PDGFC: variants seen among roughly 807,000 people sequenced by gnomAD.
PDGFC encodes the protein platelet-derived growth factor C.
A neutral mutation model predicts 35.5 loss-of-function variants in PDGFC; 12 were observed. That is an observed-to-expected ratio of 0.34 (90% CI 0.22 to 0.55). PDGFC has a LOEUF of 0.55. Among genes scored for constraint, PDGFC ranks in the 20% least tolerant of loss-of-function variants. The probability of loss-of-function intolerance (pLI) is 0.91; values close to 1 mark genes in which losing one functional copy is unlikely to be tolerated. For synonymous variants in PDGFC, 159 were observed against 148.8 expected (o/e 1.07, Z -0.50); for missense variants, 322 against 412.4 (o/e 0.78, Z 1.90).
intron 1 of PDGFC, among the ~76,000 whole-genome samples, chr4:156,887,728 T>A (rs965044216): frequency 6.6e-6 from 1 of 152,140 alleles, no homozygotes; most frequent in Non-Finnish European, 1.5e-5. Context: ...AAATATTTTA[T>A]TGTCTTCTGG....
At chr4:156,770,997 T>G (rs1464685439) in intron 4 of PDGFC, among the ~76,000 whole-genome samples, 1 of 152,194 alleles carries the variant, frequency 6.6e-6, no homozygotes, top group African/African-American at 2.4e-5. Flanking sequence ...TTTGTCTATA[T>G]AGATGTTATC....
At position 156,831,197 on chromosome 4, in the gene PDGFC, G is replaced by A. The variant is rs374384784; in HGVS notation, c.314+19024C>T. ...ACAAATATGCACAGAGTAGGCAATCGACTAGTCAAAATTACACTTGTGCTG... is the reference window on the plus strand; with the variant it reads ...ACAAATATGCACAGAGTAGGCAATCAACTAGTCAAAATTACACTTGTGCTG... On this transcript the variant is annotated intron_variant, in intron 2 of 5. Coordinates refer to ENST00000502773, the MANE Select transcript of PDGFC (RefSeq NM_016205.3). 1.4e-4 allele frequency among the ~76,000 whole-genome samples: 21 copies of A among 152,124 alleles called. No homozygotes were observed. In the East Asian group the frequency reaches 1.9e-3, roughly 14 times the overall value.
intron 2 of PDGFC, among the ~76,000 whole-genome samples, chr4:156,814,262 G>A (rs1161050843): frequency 6.6e-6 from 1 of 152,148 alleles, no homozygotes; most frequent in Admixed American, 6.6e-5. Context: ...ATCACCACAT[G>A]TTCGAGGAAT....
chr4:156,871,097 A>G (rs17035381), intron 1 of PDGFC, among the ~76,000 whole-genome samples: 6,678 of 152,078 alleles, frequency 0.044, 497 homozygotes, highest in African/African-American at 0.15. Flanking sequence ...AAAGGCTATA[A>G]TCCTTCGTAT....
intron 2 of PDGFC, among the ~76,000 whole-genome samples, chr4:156,848,181 T>C (rs1027985079): frequency 5.7e-4 from 87 of 152,020 alleles, no homozygotes; most frequent in African/African-American, 1.5e-3. Context: ...TTCTCAACCT[T>C]ATTAGTAATC....
intron 1 of PDGFC, among the ~76,000 whole-genome samples, chr4:156,872,884 C>T (rs1225321581): frequency 6.6e-6 from 1 of 152,148 alleles, no homozygotes; most frequent in African/African-American, 2.4e-5. Context: ...TAATCCCACC[C>T]CTTGGGAGGC....
chr4:156,778,595 AAAAAG>A (rs1244735882), intron 3 of PDGFC, among the ~76,000 whole-genome samples: 16 of 152,286 alleles, frequency 1.1e-4, no homozygotes, highest in African/African-American at 3.1e-4. Flanking sequence ...CTTTTTTAGA[AAAAAG>A]AAAAGCTGAC....
chr4:156,880,021 T>A (rs1320854758), intron 1 of PDGFC, among the ~76,000 whole-genome samples: 1 of 151,928 alleles, frequency 6.6e-6, no homozygotes, highest in Non-Finnish European at 1.5e-5. Context: ...GTTCATGAGG[T>A]TCAAGAAAAG....
chr4:156,956,620 G>A (rs1271124182), intron 1 of PDGFC, among the ~76,000 whole-genome samples: 1 of 151,958 alleles, frequency 6.6e-6, no homozygotes, highest in Non-Finnish European at 1.5e-5. Context: ...TAGGTCATAG[G>A]TAACCAGCAC....
intron 3 of PDGFC, among the ~76,000 whole-genome samples, chr4:156,809,766 T>C (rs1308507212): frequency 6.6e-6 from 1 of 151,884 alleles, no homozygotes; most frequent in Non-Finnish European, 1.5e-5. Flanking sequence ...TTTTATTCTA[T>C]AGGAGGACAG....
chr4:156,804,510 C>T (rs1212424247), intron 3 of PDGFC, among the ~76,000 whole-genome samples: 3 of 151,824 alleles, frequency 2.0e-5, no homozygotes, highest in Non-Finnish European at 4.4e-5. Context: ...AGGGTTATGA[C>T]ATCCCTCTGC....
chr4:156,865,533 G>A (rs577902327), intron 1 of PDGFC, among the ~76,000 whole-genome samples: 114 of 152,216 alleles, frequency 7.5e-4, no homozygotes, highest in African/African-American at 2.6e-3. Flanking sequence ...TTAACAATTT[G>A]GGGCCATCTA....
At chr4:156,878,731 C>A (rs1488427364) in intron 1 of PDGFC, among the ~76,000 whole-genome samples, 1 of 151,694 alleles carries the variant, frequency 6.6e-6, no homozygotes, top group African/African-American at 2.4e-5. Context: ...AGATGTAATA[C>A]AAATCATTGG....
chr4:156,796,862 A>C (rs995297618), intron 3 of PDGFC, among the ~76,000 whole-genome samples: 1 of 152,170 alleles, frequency 6.6e-6, no homozygotes, highest in African/African-American at 2.4e-5. Context: ...ATAGAAAATT[A>C]CATATAACTC....
At chr4:156,952,202 T>C (rs998056210) in intron 1 of PDGFC, among the ~76,000 whole-genome samples, 1 of 151,860 alleles carries the variant, frequency 6.6e-6, no homozygotes, top group Non-Finnish European at 1.5e-5. Context: ...ATATCCTCTT[T>C]GTGCTTAAAG....
intron 1 of PDGFC, among the ~76,000 whole-genome samples, chr4:156,899,195 A>C (rs894750290): frequency 2.0e-5 from 3 of 152,214 alleles, no homozygotes; most frequent in African/African-American, 7.2e-5. Context: ...CAAAACTTGA[A>C]ATTGTCTCGT....
At chr4:156,895,397 G>A (rs745500605) in intron 1 of PDGFC, among the ~76,000 whole-genome samples, 25 of 152,234 alleles carry the variant, frequency 1.6e-4, no homozygotes, top group Non-Finnish European at 3.1e-4. Flanking sequence ...CACTTTGGGA[G>A]GCTGAGGTGG....
At chr4:156,832,257 T>G (rs113007221) in intron 2 of PDGFC, among the ~76,000 whole-genome samples, 1 of 139,716 alleles carries the variant, frequency 7.2e-6, no homozygotes, top group Non-Finnish European at 1.6e-5. Context: ...TTCTTTCTTT[T>G]TTTTTTTTTT....
intron 2 of PDGFC, among the ~76,000 whole-genome samples, chr4:156,823,894 A>G (rs1732343476): frequency 6.6e-6 from 1 of 152,200 alleles, no homozygotes; most frequent in South Asian, 2.1e-4. Flanking sequence ...GGAATACTAT[A>G]CAGCCTTCAG....
Sources: gnomAD v4.1 joint callset for allele counts (sites outside exome capture counted in the v4.1 genomes callset) on GRCh38, gnomAD v4.1.1 for gene constraint, MANE v1.5 for transcripts, NCBI Gene and HGNC (gene_info 2026-07-23, HGNC 2026-07-21) for gene names.